Variants in CAPN8 observed in about 807,000 individuals in gnomAD.
CAPN8 encodes calpain 8.
CAPN8 carries 87 observed loss-of-function variants against 80.9 expected under a neutral mutation model. The observed-to-expected ratio is 1.07, with a 90% CI of 0.90 to 1.28. CAPN8 has a LOEUF of 1.28. Among genes scored for constraint, CAPN8 ranks in the 50% most tolerant of loss-of-function variants. CAPN8 has a pLI of 0.00. For missense variants in CAPN8, 757 were observed against 702.0 expected, an observed-to-expected ratio of 1.08 and a Z score of -0.89; for synonymous variants, 299 against 273.8, an observed-to-expected ratio of 1.09 and a Z score of -0.91.
chr1:223,550,864 C>T (rs923685752), intron 15 of CAPN8, 96 bp downstream of exon 15: 186 of 664,500 alleles, frequency 2.8e-4, no homozygotes, highest in Non-Finnish European at 4.6e-4. Flanking sequence ...CTTTCTCCCA[C>T]CTGTGGTGCT....
chr1:223,623,735 C>T (rs1381427090), intron 6 of CAPN8, among the ~76,000 whole-genome samples: 1 of 152,168 alleles, frequency 6.6e-6, no homozygotes, highest in Non-Finnish European at 1.5e-5. Flanking sequence ...GTGGCTCACG[C>T]CTGTGATCCC....
rs1484422113 is a variant in CAPN8 at position 223,627,092 on chromosome 1, C to T, written c.626G>A (p.Gly209Asp). 1 of 1,552,202 alleles carries T rather than the reference C, an allele frequency of 6.4e-7. No individual in the cohort carries two copies. The highest frequency in any genetic ancestry group is 8.7e-7 in the Non-Finnish European group (1 of 1,147,144). The change falls in exon 5 of 21, where the codon GGT becomes GAT. Residue 209 changes from glycine (G) to aspartate (D), a missense_variant. Coordinates refer to ENST00000366872, the MANE Select transcript of CAPN8 (RefSeq NM_001143962.2). ...CAGGTCATAAAACTCAGAGATGCCA[C>T]CTGTGAAATCCTCAAACCCCTCCAC... ...STVEGFEDFT[G>D]GISEFYDLKK...
intron 1 of CAPN8, among the ~76,000 whole-genome samples, chr1:223,664,547 C>A (rs1209849376): frequency 6.6e-6 from 1 of 152,182 alleles, no homozygotes; most frequent in African/African-American, 2.4e-5. Context: ...ACAGAGTTTA[C>A]CGGCCCAAAA....
intron 2 of CAPN8, among the ~76,000 whole-genome samples, chr1:223,643,547 A>G (rs1463297669): frequency 1.3e-5 from 2 of 152,234 alleles, no homozygotes; most frequent in Non-Finnish European, 2.9e-5. Flanking sequence ...AAGAGCAAAA[A>G]TATGTGAAAA....
chr1:223,558,019 C>T, intron 13 of CAPN8, 112 bp downstream of exon 13: 1 of 396,584 alleles, frequency 2.5e-6, no homozygotes, highest in East Asian at 3.6e-5. Context: ...GTGGCCCTAA[C>T]TAATAAGAAG....
At chr1:223,660,041 C>T (rs908540201) in intron 1 of CAPN8, among the ~76,000 whole-genome samples, 11 of 152,310 alleles carry the variant, frequency 7.2e-5, no homozygotes, top group African/African-American at 2.4e-4. Context: ...TCCAGATTCA[C>T]TCCAGATGTA....
chr1:223,663,557 TCC>T (rs1388948149), intron 1 of CAPN8, among the ~76,000 whole-genome samples: 4 of 152,196 alleles, frequency 2.6e-5, no homozygotes, highest in Non-Finnish European at 5.9e-5. Flanking sequence ...CCTCAGCTTC[TCC>T]CTGACCACCT....
At chr1:223,651,188 G>A (rs1658334602) in intron 2 of CAPN8, among the ~76,000 whole-genome samples, 2 of 152,172 alleles carry the variant, frequency 1.3e-5, no homozygotes, top group Admixed American at 1.3e-4. Context: ...GAAAGGCTGG[G>A]ATTGCCAGGA....
intron 16 of CAPN8, among the ~76,000 whole-genome samples, chr1:223,546,884 T>C (rs1485650811): frequency 1.7e-5 from 2 of 116,260 alleles, no homozygotes; most frequent in African/African-American, 7.0e-5. Context: ...GTTTGTTTTG[T>C]GGTTGTTGTT....
chr1:223,556,581 C>A (rs1656910357), intron 13 of CAPN8, among the ~76,000 whole-genome samples: 1 of 152,130 alleles, frequency 6.6e-6, no homozygotes, highest in Admixed American at 6.5e-5. Flanking sequence ...CAGGGGTAAC[C>A]AATGTGGACC....
At chr1:223,625,629 C>T (rs1657550106) in intron 6 of CAPN8, among the ~76,000 whole-genome samples, 176 bp downstream of exon 6, 1 of 152,124 alleles carries the variant, frequency 6.6e-6, no homozygotes, top group African/African-American at 2.4e-5. Context: ...AAAGCTAATG[C>T]TCATCTGTGG....
chr1:223,628,660 A>G lies in CAPN8; in HGVS notation c.426+2T>C. On this transcript the variant is annotated splice_donor_variant, in intron 3 of 20. Transcript: ENST00000366872. LOFTEE classifies it high-confidence loss of function. ...ACAAAGGGCCAGAGCAGAGCACAGT[A>G]CCTGAAAGTGAAAGATTCCCGCATA... 1 of 1,548,040 alleles carries G rather than the reference A, an allele frequency of 6.5e-7. No homozygotes were observed. Among genetic ancestry groups the G allele is most frequent in the Non-Finnish European group, 8.7e-7 (1 of 1,143,678 alleles).
At chr1:223,541,921 T>G in intron 20 of CAPN8, 62 bp from the exon 21 acceptor site, 1 of 1,550,900 alleles carries the variant, frequency 6.4e-7, no homozygotes, top group Non-Finnish European at 8.7e-7. Flanking sequence ...CTTTCACCAT[T>G]GATGCTCTCC....
chr1:223,660,602 A>G (rs1202626801), intron 1 of CAPN8, among the ~76,000 whole-genome samples: 1 of 152,274 alleles, frequency 6.6e-6, no homozygotes, highest in Middle Eastern at 3.2e-3. Context: ...AGAAACGCCC[A>G]GCAGGGGCAG....
intron 11 of CAPN8, 119 bp downstream of exon 11, chr1:223,612,127 G>A (rs1008169512): frequency 1.9e-5 from 16 of 840,478 alleles, no homozygotes; most frequent in Admixed American, 4.3e-5. Context: ...ACTGGATCAT[G>A]TGAGAGCTGT....
chr1:223,543,702 T>C (rs901726862), intron 19 of CAPN8, among the ~76,000 whole-genome samples: 1 of 152,208 alleles, frequency 6.6e-6, no homozygotes, highest in African/African-American at 2.4e-5. Flanking sequence ...ATGTTCTCAA[T>C]ATGATCCCTA....
chr1:223,661,932 C>G (rs1175904728), intron 1 of CAPN8, among the ~76,000 whole-genome samples: 1 of 152,046 alleles, frequency 6.6e-6, no homozygotes, highest in Non-Finnish European at 1.5e-5. Context: ...CAACAATGGA[C>G]AAATGAATAA....
intron 6 of CAPN8, 134 bp from the exon 7 acceptor site, chr1:223,623,034 T>G (rs1657450435): frequency 7.5e-6 from 5 of 667,412 alleles, no homozygotes; most frequent in African/African-American, 3.6e-5. Context: ...TTTCCTTTAA[T>G]GCATCTTTTC....
chr1:223,550,703 A>T (rs1656760204), intron 15 of CAPN8, among the ~76,000 whole-genome samples: 1 of 152,164 alleles, frequency 6.6e-6, no homozygotes, highest in African/African-American at 2.4e-5. Flanking sequence ...TTCACTTGAC[A>T]CTATGGAGCT....
Sources: allele counts gnomAD v4.1 joint callset (sites outside exome capture counted in the v4.1 genomes callset), GRCh38; gene constraint gnomAD v4.1.1; transcripts MANE v1.5; gene names NCBI Gene and HGNC (gene_info 2026-07-23, HGNC 2026-07-21).